The following CCNY variants were observed in gnomAD, a reference collection of about 807,000 sequenced individuals.
CCNY encodes cyclin Y, also known as cyclin-Y.
CCNY carries 19 observed loss-of-function variants against 42.8 expected under a neutral mutation model. The ratio of observed to expected loss-of-function variants is 0.44; its 90% CI spans 0.31 to 0.65. CCNY has a LOEUF of 0.65. CCNY is among the 30% of genes least tolerant of loss of function. CCNY has a pLI of 0.07. For synonymous variants in CCNY, 165 were observed against 162.7 expected (o/e 1.01, Z -0.11); for missense variants, 370 against 437.3 (o/e 0.85, Z 1.37).
intron 3 of CCNY, among the ~76,000 whole-genome samples, chr10:35,258,974 CG>C (rs1234803844): frequency 6.6e-6 from 1 of 151,460 alleles, no homozygotes; most frequent in Non-Finnish European, 1.5e-5. Context: ...TGCTGCCTGC[CG>C]TGGGGAAAGG....
chr10:35,537,949 T>A (rs1401030298), intron 7 of CCNY, among the ~76,000 whole-genome samples: 1 of 152,160 alleles, frequency 6.6e-6, no homozygotes, highest in Non-Finnish European at 1.5e-5. Context: ...CAAGATCGCA[T>A]TTTGAATTGT....
intron 3 of CCNY, chr10:35,316,392 C>T (rs911046081): frequency 2.0e-5 from 3 of 152,164 alleles, no homozygotes; most frequent in Non-Finnish European, 4.4e-5. Context: ...CTGTCTCTAC[C>T]CATATCCATG....
chr10:35,263,567 A>G (rs1438062588), intron 3 of CCNY, among the ~76,000 whole-genome samples: 3 of 151,790 alleles, frequency 2.0e-5, no homozygotes, highest in Admixed American at 2.0e-4. Flanking sequence ...AAAATAAAGA[A>G]AAAGGGGAGG....
At chr10:35,330,942 T>C (rs1428993940) in intron 3 of CCNY, among the ~76,000 whole-genome samples, 1 of 152,180 alleles carries the variant, frequency 6.6e-6, no homozygotes, top group African/African-American at 2.4e-5. Flanking sequence ...GTATGTTTAG[T>C]AGAGACGGGG....
intron 3 of CCNY, among the ~76,000 whole-genome samples, chr10:35,311,086 G>A (rs1283736822): frequency 6.6e-6 from 1 of 152,224 alleles, no homozygotes; most frequent in African/African-American, 2.4e-5. Context: ...GCTGAGGCAG[G>A]AGGATTGCTT....
intron 3 of CCNY, among the ~76,000 whole-genome samples, chr10:35,291,909 T>C (rs1835418366): frequency 6.6e-6 from 1 of 152,234 alleles, no homozygotes; most frequent in Non-Finnish European, 1.5e-5. Flanking sequence ...TGCTGGGCCA[T>C]ACATATGATA....
At chr10:35,321,959 G>A (rs1835826946) in intron 3 of CCNY, among the ~76,000 whole-genome samples, 1 of 152,096 alleles carries the variant, frequency 6.6e-6, no homozygotes, top group African/African-American at 2.4e-5. Flanking sequence ...TCAACAAATG[G>A]TACCGGAAAA....
At chr10:35,284,582 G>A (rs1293181463) in intron 3 of CCNY, among the ~76,000 whole-genome samples, 4 of 151,954 alleles carry the variant, frequency 2.6e-5, no homozygotes, top group Middle Eastern at 3.4e-3. Flanking sequence ...GTTCATTTTC[G>A]CTCTTCTTTT....
intron 1 of CCNY, among the ~76,000 whole-genome samples, chr10:35,398,157 G>A (rs1016145370): frequency 6.6e-6 from 1 of 152,192 alleles, no homozygotes; most frequent in Non-Finnish European, 1.5e-5. Flanking sequence ...AAGCCAGTGG[G>A]GGTCCCGTCT....
Position 35,337,140 on chromosome 10 carries a change from C to T in CCNY, c.87C>T (p.Asp29=), listed in dbSNP as rs748610163. 1.9e-6 allele frequency: 3 copies of T among 1,587,942 alleles called. No individual in the cohort carries two copies. The highest frequency in any genetic ancestry group is 1.4e-5 in the African/African-American group (1 of 73,004). ...CCCGGCTGGAGTCCTACCGGCCAGA[C>T]ACGGACCTGAGCCGCGAGGACACGG... ...AHSRLESYRP[D]TDLSREDTGC... The change falls in exon 1 of 10, where the codon GAC becomes GAT. Residue 29 remains aspartate (D), a synonymous_variant. Transcript: ENST00000374704.
In CCNY at chr10:35,336,922, CG is replaced by C; in HGVS notation, c.-131del. 3.7e-6 allele frequency: 2 copies of C among 534,464 alleles called. No individual in the cohort carries two copies. Among genetic ancestry groups the C allele is most frequent in the Non-Finnish European group, 4.9e-6 (2 of 409,534 alleles). The allele number at this position is 534,464 out of a possible 1,614,324, so 33.1% of individuals were successfully genotyped here. On this transcript the variant is annotated 5_prime_UTR_variant, in exon 1 of 10. Transcript: ENST00000374704. Reference sequence around the variant, plus strand: ...CTGACCCGGCGGCCGGCCGCCGTTCCGCCCCCTCCCGTGGCGGCGAGCGGGC... The same window carrying C: ...CTGACCCGGCGGCCGGCCGCCGTTCCCCCCCTCCCGTGGCGGCGAGCGGGC...
chr10:35,353,284 T>C (rs186220849), intron 1 of CCNY, among the ~76,000 whole-genome samples: 1 of 152,272 alleles, frequency 6.6e-6, no homozygotes, highest in Admixed American at 6.5e-5. Flanking sequence ...CGTAGCTTAG[T>C]CCCCAAAGAT....
At chr10:35,358,460 G>GTACT (rs1390249246) in intron 1 of CCNY, among the ~76,000 whole-genome samples, 3 of 152,186 alleles carry the variant, frequency 2.0e-5, no homozygotes, top group African/African-American at 7.2e-5. Context: ...AGACCAGACT[G>GTACT]TACTGCATAT....
At chr10:35,313,535 T>C (rs560404913) in intron 3 of CCNY, among the ~76,000 whole-genome samples, 2 of 152,316 alleles carry the variant, frequency 1.3e-5, no homozygotes, top group South Asian at 2.1e-4. Flanking sequence ...TGCTGCAGGA[T>C]TGAGGCACGG....
intron 3 of CCNY, among the ~76,000 whole-genome samples, chr10:35,267,245 T>C (rs886826834): frequency 3.3e-5 from 5 of 151,360 alleles, no homozygotes; most frequent in African/African-American, 1.2e-4. Context: ...GAGTTTGCGG[T>C]TGCAGTGAGC....
At chr10:35,394,925 C>A in intron 1 of CCNY, 1 of 781,224 alleles carries the variant, frequency 1.3e-6, no homozygotes, top group Non-Finnish European at 1.6e-6. Context: ...GTAAAACTCA[C>A]TGAGGGCTTC....
intron 3 of CCNY, chr10:35,320,754 G>A (rs778577208): frequency 6.6e-6 from 1 of 152,100 alleles, no homozygotes; most frequent in Non-Finnish European, 1.5e-5. Context: ...AAAATAGTAA[G>A]TGACTTTAGC....
At chr10:35,409,877 G>T (rs1406203946) in intron 1 of CCNY, among the ~76,000 whole-genome samples, 2 of 151,966 alleles carry the variant, frequency 1.3e-5, no homozygotes, top group Non-Finnish European at 2.9e-5. Context: ...ACCTTGAGTA[G>T]CTGGGACCAC....
intron 3 of CCNY, among the ~76,000 whole-genome samples, chr10:35,252,922 C>G (rs1306839078): frequency 2.0e-5 from 3 of 152,126 alleles, no homozygotes; most frequent in African/African-American, 7.2e-5. Context: ...AGAAAGTCCT[C>G]ATTTAGAAAA....
Sources: gnomAD v4.1 joint callset for allele counts (sites outside exome capture counted in the v4.1 genomes callset) on GRCh38, gnomAD v4.1.1 for gene constraint, MANE v1.5 for transcripts, NCBI Gene and HGNC (gene_info 2026-07-23, HGNC 2026-07-21) for gene names.